CAP2: variants seen among roughly 807,000 people sequenced by gnomAD.
CAP2 encodes cyclase associated actin cytoskeleton regulatory protein 2.
A neutral mutation model predicts 57.7 loss-of-function variants in CAP2; 24 were observed. The ratio of observed to expected loss-of-function variants is 0.42; its 90% CI spans 0.30 to 0.58. The LOEUF (loss-of-function observed/expected upper bound fraction) is 0.58. Among genes scored for constraint, CAP2 ranks in the 20% least tolerant of loss-of-function variants. CAP2 has a pLI of 0.22. For missense variants in CAP2, 501 were observed against 590.3 expected (o/e 0.85, Z 1.57); for synonymous variants, 194 against 207.2 (o/e 0.94, Z 0.55).
chr6:17,550,395 T>C (rs919827345), intron 11 of CAP2, among the ~76,000 whole-genome samples: 1 of 5,740 alleles, frequency 1.7e-4, no homozygotes, highest in South Asian at 0.017. Context: ...TACCCCTGCC[T>C]TTTTTTTTTT....
chr6:17,553,107 C>G (rs551979913), intron 12 of CAP2, among the ~76,000 whole-genome samples: 2 of 152,176 alleles, frequency 1.3e-5, no homozygotes, highest in African/African-American at 4.8e-5. Flanking sequence ...GAGCCCTGGC[C>G]TTTGCAGCTG....
intron 4 of CAP2, among the ~76,000 whole-genome samples, chr6:17,482,562 G>C (rs1020449376): frequency 7.0e-6 from 1 of 142,400 alleles, no homozygotes; most frequent in Non-Finnish European, 1.5e-5. Flanking sequence ...GCAAGGCCAC[G>C]CTCCCTCAGA....
chr6:17,497,109 T>A (rs980072897), intron 4 of CAP2, among the ~76,000 whole-genome samples: 1 of 152,200 alleles, frequency 6.6e-6, no homozygotes, highest in Non-Finnish European at 1.5e-5. Context: ...TTCAGAAGAA[T>A]TTTTTTCTTG....
At chr6:17,416,855 A>G (rs1266169839) in intron 1 of CAP2, among the ~76,000 whole-genome samples, 1 of 152,192 alleles carries the variant, frequency 6.6e-6, no homozygotes. Context: ...TATTTTGGGA[A>G]ACTGAAATGG....
intron 4 of CAP2, among the ~76,000 whole-genome samples, chr6:17,468,950 G>A (rs531771154): frequency 3.9e-5 from 6 of 152,306 alleles, no homozygotes; most frequent in Admixed American, 6.5e-5. Flanking sequence ...CACACTACAC[G>A]TCATTTATAA....
chr6:17,524,346 T>C (rs551564297), intron 7 of CAP2, among the ~76,000 whole-genome samples: 105 of 152,346 alleles, frequency 6.9e-4, no homozygotes, highest in Middle Eastern at 3.4e-3. Context: ...GAACTGTTTT[T>C]ATTATCTCAT....
intron 7 of CAP2, among the ~76,000 whole-genome samples, chr6:17,528,039 G>A (rs1762551773): frequency 6.6e-6 from 1 of 152,226 alleles, no homozygotes; most frequent in African/African-American, 2.4e-5. Context: ...ACAGGTAGCA[G>A]TTTGAGTACC....
chr6:17,522,670 G>A (rs1314912361), intron 7 of CAP2, among the ~76,000 whole-genome samples: 2 of 152,336 alleles, frequency 1.3e-5, no homozygotes, highest in South Asian at 2.1e-4. Flanking sequence ...GTTTTGCAGA[G>A]CTGAATGTGG....
chr6:17,449,651 C>T (rs1760354505), intron 3 of CAP2, among the ~76,000 whole-genome samples: 1 of 152,086 alleles, frequency 6.6e-6, no homozygotes, highest in South Asian at 2.1e-4. Flanking sequence ...TCAGGTGATC[C>T]ACCCACCTCG....
chr6:17,508,475 C>T (rs573107807), intron 6 of CAP2, among the ~76,000 whole-genome samples: 52 of 152,224 alleles, frequency 3.4e-4, no homozygotes, highest in African/African-American at 1.2e-3. Context: ...CTGATAAGGT[C>T]GTGCCTTGTA....
At chr6:17,511,324 C>CA (rs1762142291) in intron 6 of CAP2, among the ~76,000 whole-genome samples, 1 of 152,080 alleles carries the variant, frequency 6.6e-6, no homozygotes, top group African/African-American at 2.4e-5. Context: ...GCCCACTGGG[C>CA]AGTAGGACCG....
intron 6 of CAP2, among the ~76,000 whole-genome samples, chr6:17,512,144 C>T (rs1369396826): frequency 1.3e-5 from 2 of 151,998 alleles, no homozygotes; most frequent in Non-Finnish European, 2.9e-5. Context: ...AATCCCAGCT[C>T]TTTGGGAGGC....
At chr6:17,482,252 C>T (rs547138882) in intron 4 of CAP2, among the ~76,000 whole-genome samples, 8 of 152,194 alleles carry the variant, frequency 5.3e-5, no homozygotes, top group South Asian at 2.1e-4. Context: ...GTAGGCTGGG[C>T]GCGGTGGCTC....
intron 12 of CAP2, among the ~76,000 whole-genome samples, chr6:17,555,554 A>T (rs1487057701): frequency 2.0e-5 from 3 of 149,988 alleles, no homozygotes; most frequent in Non-Finnish European, 4.4e-5. Flanking sequence ...TATTATTATT[A>T]TTATTTTATT....
chr6:17,512,207 T>G (rs1449642594), intron 6 of CAP2, among the ~76,000 whole-genome samples: 1 of 151,876 alleles, frequency 6.6e-6, no homozygotes, highest in Non-Finnish European at 1.5e-5. Flanking sequence ...CTGGGCAACA[T>G]AGTGAGACCT....
intron 7 of CAP2, among the ~76,000 whole-genome samples, chr6:17,532,620 C>T (rs1762672275): frequency 6.6e-6 from 1 of 151,280 alleles, no homozygotes; most frequent in African/African-American, 2.4e-5. Context: ...TGGTGGCAGG[C>T]ACCTGTAATC....
At chr6:17,521,116 TA>T (rs2113675240) in intron 7 of CAP2, among the ~76,000 whole-genome samples, 1 of 152,298 alleles carries the variant, frequency 6.6e-6, no homozygotes, top group Admixed American at 6.5e-5. Context: ...CAACAGGGGT[TA>T]GAAGTGTCAT....
At chr6:17,461,290 A>G (rs916957079) in intron 3 of CAP2, among the ~76,000 whole-genome samples, 1 of 151,890 alleles carries the variant, frequency 6.6e-6, no homozygotes, top group Non-Finnish European at 1.5e-5. Flanking sequence ...GCAGTAGCAC[A>G]ATCTCGGCTC....
chr6:17,468,827 C>T (rs540836623), intron 4 of CAP2, among the ~76,000 whole-genome samples: 2 of 152,232 alleles, frequency 1.3e-5, no homozygotes, highest in Non-Finnish European at 2.9e-5. Context: ...AGTTCTCAAA[C>T]GTAAAAAACA....
Sources: allele counts gnomAD v4.1 joint callset (sites outside exome capture counted in the v4.1 genomes callset), GRCh38; gene constraint gnomAD v4.1.1; transcripts MANE v1.5; gene names NCBI Gene and HGNC (gene_info 2026-07-23, HGNC 2026-07-21).